The following TM4SF4 variants were observed in gnomAD, a reference collection of about 807,000 sequenced individuals.
The protein encoded by TM4SF4 is transmembrane 4 L6 family member 4.
TM4SF4 carries 24 observed loss-of-function variants against 24.1 expected under a neutral mutation model. The ratio of observed to expected loss-of-function variants is 1.00; its 90% confidence interval spans 0.72 to 1.40. The LOEUF (loss-of-function observed/expected upper bound fraction) is 1.40, where lower values mean the gene tolerates loss of function less well. Ranked by LOEUF, TM4SF4 falls within the 40% of genes most tolerant of loss-of-function variation. TM4SF4 has a pLI of 0.00. For missense variants in TM4SF4, 254 were observed against 254.2 expected (o/e 1.00, Z 0.01); for synonymous variants, 113 against 97.0 (o/e 1.17, Z -0.97).
At chr3:149,501,776 T>C (rs927501096) in intron 4 of TM4SF4, among the ~76,000 whole-genome samples, 1 of 152,230 alleles carries the variant, frequency 6.6e-6, no homozygotes, top group Non-Finnish European at 1.5e-5. Flanking sequence ...GCCTAACTTA[T>C]GGAGAGAGTG....
chr3:149,475,795 CT>C, intron 1 of TM4SF4, 27 bp from the exon 2 acceptor site: 1 of 1,582,250 alleles, frequency 6.3e-7, no homozygotes. Context: ...CTCCTGGACT[CT>C]CTCTGAGGTG....
intron 4 of TM4SF4, among the ~76,000 whole-genome samples, chr3:149,500,872 A>C (rs1225086392): frequency 6.6e-6 from 1 of 152,040 alleles, no homozygotes. Flanking sequence ...AAAAATACAA[A>C]AAATTAACCA....
At chr3:149,487,485 C>T in intron 2 of TM4SF4, 134 bp from the exon 3 acceptor site, 1 of 997,310 alleles carries the variant, frequency 1.0e-6, no homozygotes, top group Non-Finnish European at 1.5e-6. Flanking sequence ...CCACAGGCCC[C>T]ATCTACTATA....
At position 149,487,717 on chromosome 3, in the gene TM4SF4, C is replaced by G. The variant is rs768006919; in HGVS notation, c.363C>G (p.Leu121=). Reference sequence around the variant, plus strand: ...CAATCAACAAGGGTCCTAAATGCCTCATGGCCAATAGTACATGGGGCTACC... The same window carrying G: ...CAATCAACAAGGGTCCTAAATGCCTGATGGCCAATAGTACATGGGGCTACC... ...AISINKGPKC[L]MANSTWGYPF... Residue 121 remains leucine, a synonymous_variant, in exon 3 of 5, where the codon CTC becomes CTG. Transcript: ENST00000305354. 6.2e-7 allele frequency: 1 copy of G among 1,614,044 alleles called. No individual in the cohort carries two copies. The highest frequency in any genetic ancestry group is 2.2e-5 in the East Asian group (1 of 44,876).
chr3:149,500,678 G>T (rs1472041786), intron 4 of TM4SF4, among the ~76,000 whole-genome samples: 2 of 152,154 alleles, frequency 1.3e-5, no homozygotes, highest in Non-Finnish European at 2.9e-5. Flanking sequence ...TATTTTAGCT[G>T]GGTGGTAAAT....
In TM4SF4 at chr3:149,502,872, A is replaced by T. The variant is rs1413436828; in HGVS notation, c.*179A>T. On this transcript the variant is annotated 3_prime_UTR_variant, in exon 5 of 5. Transcript: ENST00000305354. ...TCGAGTTAGAATTTTGTTATTTTCA[A>T]ATAAAAAATAGTTTGGCCACTTAAC... The T allele has an allele frequency of 8.4e-6, 4 of 477,736 alleles. No individual in the cohort carries two copies. Among genetic ancestry groups the T allele is most frequent in the Non-Finnish European group, 1.5e-5 (4 of 268,728 alleles). The allele number at this position is 477,736 out of a possible 1,614,324, so 29.6% of individuals were successfully genotyped here.
At chr3:149,475,693 T>C in intron 1 of TM4SF4, 130 bp from the exon 2 acceptor site, 1 of 725,294 alleles carries the variant, frequency 1.4e-6, no homozygotes, top group Non-Finnish European at 2.4e-6. Context: ...CCAGCCATGC[T>C]CTGTTACTTT....
At position 149,475,865 on chromosome 3, in the gene TM4SF4, G is replaced by C; in HGVS notation, c.217G>C (p.Asp73His). The change falls in exon 2 of 5, where the codon GAC becomes CAC. Residue 73 changes from aspartate (D) to histidine (H), a missense_variant. By Grantham distance (81) the Asp-to-His change is moderately conservative. Coordinates refer to ENST00000305354, the MANE Select transcript of TM4SF4 (RefSeq NM_004617.4). ...GGTGTTCTTGGGCCTGAAGAACAAT[G>C]ACTGCTGTGGGTGCTGCGGCAACGA... Reference protein sequence around the residue: ...ALVFLGLKNNDCCGCCGNEGC... With the variant: ...ALVFLGLKNNHCCGCCGNEGC... 1 of 1,613,176 alleles carries C rather than the reference G, an allele frequency of 6.2e-7. No homozygotes were observed.
chr3:149,500,534 AG>A (rs1220941654), intron 4 of TM4SF4, among the ~76,000 whole-genome samples: 8 of 152,200 alleles, frequency 5.3e-5, no homozygotes, highest in Admixed American at 3.3e-4. Flanking sequence ...AGAGAGGAAA[AG>A]CAACTACCAA....
rs777355432 is a variant in TM4SF4, at chr3:149,475,083, G to A, written c.174+32G>A. ...AGGGAAGCTTAAAATCCCCCTAAGG[G>A]AGATTTTCCCTTCCCCACAATCCTT... is the stretch of plus-strand genomic sequence containing the variant. On this transcript the variant is annotated intron_variant, in intron 1 of 4. Coordinates refer to ENST00000305354, the MANE Select transcript of TM4SF4 (RefSeq NM_004617.4). The A allele has an allele frequency of 4.4e-6, 7 of 1,589,814 alleles. No homozygotes were observed. In the Admixed American group the frequency reaches 1.3e-4, roughly 29 times the overall value.
chr3:149,475,307 C>T (rs11710025), intron 1 of TM4SF4, among the ~76,000 whole-genome samples: 35,159 of 152,040 alleles, frequency 0.23, 4,790 homozygotes, highest in Non-Finnish European at 0.31. Context: ...TCCCATGAAC[C>T]GAAGTGAAGG....
Position 149,494,843 on chromosome 3 carries a change from A to C in TM4SF4, c.402-3879A>C, listed in dbSNP as rs535038509. 3.3e-5 allele frequency: 5 copies of C among 152,872 alleles called. No homozygotes were observed. In the East Asian group the frequency reaches 5.8e-4, roughly 18 times the overall value. The allele number at this position is 152,872 out of a possible 1,614,324, so 9.5% of individuals were successfully genotyped here. On this transcript the variant is annotated intron_variant, in intron 3 of 4. Coordinates refer to ENST00000305354, the MANE Select transcript of TM4SF4 (RefSeq NM_004617.4). ...TTTCAGGTATGCTTGGGTCTTGAATAAATGGTAAGATGAGTGTGAGTGTGA... is the reference window on the plus strand; with the variant it reads ...TTTCAGGTATGCTTGGGTCTTGAATCAATGGTAAGATGAGTGTGAGTGTGA...
At chr3:149,495,749 G>A (rs1734298764) in intron 3 of TM4SF4, 1 of 231,076 alleles carries the variant, frequency 4.3e-6, no homozygotes, top group African/African-American at 2.3e-5. Flanking sequence ...TGAGCTGAAG[G>A]AAAAGATCGA....
Position 149,481,380 on chromosome 3 carries a change from G to T in TM4SF4, c.264+5468G>T, listed in dbSNP as rs966284600. ...AGTGAACACCTAGGAGAGGAAACGG[G>T]CTTCCATATTTATCACACTCAATCC... On this transcript the variant is annotated intron_variant, in intron 2 of 4. Transcript: ENST00000305354. Among the ~76,000 whole-genome samples the T allele has an allele frequency of 5.3e-5, 8 of 151,996 alleles. 1 individual carries two copies. Among genetic ancestry groups the T allele is most frequent in the Admixed American group, 5.2e-4 (8 of 15,268 alleles).
chr3:149,484,332 A>G (rs1380891638), intron 2 of TM4SF4, among the ~76,000 whole-genome samples: 1 of 152,058 alleles, frequency 6.6e-6, no homozygotes, highest in East Asian at 1.9e-4. Context: ...AATGATCTCC[A>G]CAATTATAAA....
At chr3:149,502,581 G>A in intron 4 of TM4SF4, 95 bp from the exon 5 acceptor site, 1 of 853,014 alleles carries the variant, frequency 1.2e-6, no homozygotes, top group Non-Finnish European at 2.1e-6. Flanking sequence ...TTAAGAGCCA[G>A]GAGGAAGGCA....
In TM4SF4 at chr3:149,481,829, T is replaced by C. The variant is rs142417630; in HGVS notation, c.265-5790T>C. Among the ~76,000 whole-genome samples the C allele has an allele frequency of 4.3e-4, 65 of 152,388 alleles. No homozygotes were observed. In the South Asian group the frequency reaches 7.9e-3, roughly 18 times the overall value. The stretch of plus-strand genomic sequence containing the variant: ...TTGCAGTGTATGCTATATACATTTC[T>C]TTAACCATGTGAGCAGAATATGTGC... On this transcript the variant is annotated intron_variant, in intron 2 of 4. Coordinates refer to ENST00000305354, the MANE Select transcript of TM4SF4 (RefSeq NM_004617.4).
At chr3:149,476,814 G>GTTT (rs67092416) in intron 2 of TM4SF4, among the ~76,000 whole-genome samples, 61 of 81,182 alleles carry the variant, frequency 7.5e-4, no homozygotes, top group African/African-American at 1.4e-3. Context: ...TTTTGTTTTT[G>GTTT]TTTTTTTTTT....
chr3:149,482,473 G>A (rs551942027), intron 2 of TM4SF4, among the ~76,000 whole-genome samples: 5 of 152,136 alleles, frequency 3.3e-5, no homozygotes, highest in Admixed American at 1.3e-4. Context: ...CAGGACTTTT[G>A]CCTATTTACT....
Sources: allele counts gnomAD v4.1 joint callset (sites outside exome capture counted in the v4.1 genomes callset), GRCh38; gene constraint gnomAD v4.1.1; transcripts MANE v1.5; gene names NCBI Gene and HGNC (gene_info 2026-07-23, HGNC 2026-07-21).